SLC9A6: variants seen among roughly 807,000 people sequenced by gnomAD.
SLC9A6 encodes the protein sodium/hydrogen exchanger 6.
A neutral mutation model predicts 45.3 loss-of-function variants in SLC9A6; 6 were observed. The observed-to-expected ratio is 0.13, with a 90% confidence interval of 0.07 to 0.26. The LOEUF (loss-of-function observed/expected upper bound fraction) is 0.26, where lower values mean the gene tolerates loss of function less well. Ranked by LOEUF, SLC9A6 falls within the 10% of genes least tolerant of loss-of-function variation. The pLI, the probability that SLC9A6 is intolerant of heterozygous loss-of-function variation, is 1.00. For synonymous variants in SLC9A6, 191 were observed against 187.7 expected, an observed-to-expected ratio of 1.02 and a Z score of -0.14; for missense variants, 278 against 503.7, an observed-to-expected ratio of 0.55 and a Z score of 4.29.
chrX:136,038,109 C>A (rs1556621996), intron 16 of SLC9A6, among the ~76,000 whole-genome samples: 1 of 111,247 alleles, frequency 9.0e-6, no homozygotes, highest in Non-Finnish European at 1.9e-5. Context: ...TTACCTTATT[C>A]CTGACCTCAG....
In SLC9A6 at chrX:136,010,729, A is replaced by G. The variant is rs992848867; in HGVS notation, c.885+146A>G. 11 of 556,822 alleles carry G rather than the reference A, an allele frequency of 2.0e-5. No homozygotes were observed. In the South Asian group the frequency reaches 2.7e-4, roughly 14 times the overall value. 45.9% of individuals were successfully genotyped at this position (556,822 alleles called of 1,213,427 possible). On this transcript the variant is annotated intron_variant, in intron 8 of 17. Transcript: ENST00000630721. ...AGTACTTGGTTTGAAAACATTAAGC[A>G]ACAGTCTTTGCCAATAAATAAATAA...
intron 3 of SLC9A6, among the ~76,000 whole-genome samples, chrX:135,996,569 G>T (rs186930059): frequency 9.0e-6 from 1 of 111,458 alleles, no homozygotes; most frequent in East Asian, 2.8e-4. Flanking sequence ...CTTAAAATGA[G>T]TGGGCTATCG....
intron 7 of SLC9A6, among the ~76,000 whole-genome samples, chrX:136,006,603 A>G (rs1237250128): frequency 9.1e-6 from 1 of 109,735 alleles, no homozygotes; most frequent in African/African-American, 3.3e-5. Context: ...GTAGATCTAT[A>G]TGTATATTGA....
chrX:135,998,377 A>T, intron 4 of SLC9A6, 105 bp from the exon 5 acceptor site: 4 of 596,023 alleles, frequency 6.7e-6, no homozygotes, highest in Middle Eastern at 6.7e-4. Context: ...TAATGCATTT[A>T]ATCCTAGTGA....
At chrX:135,987,034 C>G (rs782163262) in intron 2 of SLC9A6, among the ~76,000 whole-genome samples, 1 of 111,218 alleles carries the variant, frequency 9.0e-6, no homozygotes, top group African/African-American at 3.3e-5. Context: ...ATCCAGACTT[C>G]TGTAATGTGC....
chrX:136,035,870 C>T (rs953252324), intron 16 of SLC9A6, among the ~76,000 whole-genome samples: 7 of 109,844 alleles, frequency 6.4e-5, no homozygotes, highest in Admixed American at 3.9e-4. Context: ...CCTCTAAACA[C>T]AGCCTCCTGG....
intron 16 of SLC9A6, among the ~76,000 whole-genome samples, chrX:136,033,775 C>G (rs1335534527): frequency 8.9e-6 from 1 of 111,739 alleles, no homozygotes; most frequent in African/African-American, 3.3e-5. Flanking sequence ...ATTTATTGAG[C>G]AAACTTTAAT....
chrX:135,986,676 T>C (rs935193559), intron 2 of SLC9A6, among the ~76,000 whole-genome samples: 2 of 111,298 alleles, frequency 1.8e-5, no homozygotes, highest in African/African-American at 6.5e-5. Context: ...TCGATTCTTG[T>C]GTCTCAGTCT....
intron 15 of SLC9A6, among the ~76,000 whole-genome samples, chrX:136,032,066 T>C (rs2071333488): frequency 8.9e-6 from 1 of 112,163 alleles, no homozygotes; most frequent in Admixed American, 9.5e-5. Context: ...TTTATTTATT[T>C]ATTTATTTAC....
At chrX:136,039,418 A>G (rs1556622193) in intron 16 of SLC9A6, among the ~76,000 whole-genome samples, 1 of 110,216 alleles carries the variant, frequency 9.1e-6, no homozygotes. Context: ...TCTCATGTCT[A>G]TTTTTATTTT....
chrX:136,007,290 G>T (rs1015792913), intron 7 of SLC9A6, among the ~76,000 whole-genome samples: 5 of 109,364 alleles, frequency 4.6e-5, no homozygotes, highest in Admixed American at 4.0e-4. Context: ...GTCATCAATG[G>T]GGGGGGGTTC....
intron 16 of SLC9A6, among the ~76,000 whole-genome samples, chrX:136,037,270 A>G: frequency 8.9e-6 from 1 of 112,452 alleles, no homozygotes; most frequent in Non-Finnish European, 1.9e-5. Context: ...ACGCACACAC[A>G]CAACTGCTGG....
In SLC9A6 at chrX:135,986,373, G is replaced by GA. The variant is rs1388714474; in HGVS notation, c.169+556dup. Among the ~76,000 whole-genome samples, 72 of 105,528 alleles carry GA rather than the reference G, an allele frequency of 6.8e-4. 7 individuals carry two copies. The highest frequency in any genetic ancestry group is 4.7e-3 in the East Asian group (16 of 3,395). The allele number at this position is 105,528 out of a possible 115,157, so 91.6% of individuals were successfully genotyped here. On this transcript the variant is annotated intron_variant, in intron 2 of 17. Transcript: ENST00000630721. ...GGAAAATCTTATTCTTGTGGAGTCCGAAAAAAAAAACCCGAACGTGAAATA... is the reference window on the plus strand; with the variant it reads ...GGAAAATCTTATTCTTGTGGAGTCCGAAAAAAAAAAACCCGAACGTGAAATA...
upstream of SLC9A6, chrX:135,985,409 A>AC (rs1556614649): frequency 5.1e-6 from 3 of 588,694 alleles, no homozygotes; most frequent in Admixed American, 6.1e-5. Flanking sequence ...TCCGACGGCT[A>AC]CCCCCGGGCC....
intron 10 of SLC9A6, among the ~76,000 whole-genome samples, chrX:136,014,779 A>G (rs1052876813): frequency 1.2e-4 from 13 of 112,656 alleles, no homozygotes; most frequent in African/African-American, 4.2e-4. Flanking sequence ...ACAAACAAAC[A>G]AACAACAAAA....
chrX:136,043,607 CTTTAAAGTCATTTAG>C (rs1174804338), intron 17 of SLC9A6, among the ~76,000 whole-genome samples: 1 of 111,833 alleles, frequency 8.9e-6, no homozygotes, highest in African/African-American at 3.3e-5. Flanking sequence ...GATCCTTTCT[CTTTAAAGTCATTTAG>C]AAAAAATGAC....
upstream of SLC9A6, chrX:135,985,316 C>G (rs1262229787): frequency 3.2e-6 from 1 of 307,820 alleles, no homozygotes; most frequent in Non-Finnish European, 5.5e-6. Context: ...GTGCGTGTGA[C>G]CTGGGACAGA....
intron 3 of SLC9A6, among the ~76,000 whole-genome samples, chrX:135,996,821 C>G (rs1459611625): frequency 9.1e-6 from 1 of 110,316 alleles, no homozygotes; most frequent in Non-Finnish European, 1.9e-5. Flanking sequence ...GGCTGGAGTG[C>G]AGTGGCGTGA....
intron 12 of SLC9A6, among the ~76,000 whole-genome samples, chrX:136,022,914 A>G (rs1348092004): frequency 9.2e-6 from 1 of 108,744 alleles, no homozygotes; most frequent in Non-Finnish European, 1.9e-5. Flanking sequence ...GGTTCAAGCA[A>G]TTCTCGTGCC....
Sources: gnomAD v4.1 joint callset for allele counts (sites outside exome capture counted in the v4.1 genomes callset) on GRCh38, gnomAD v4.1.1 for gene constraint, MANE v1.5 for transcripts, NCBI Gene and HGNC (gene_info 2026-07-23, HGNC 2026-07-21) for gene names.